Variants in NHERF2 observed in about 807,000 individuals in gnomAD.
NHERF2 encodes the protein Na(+)/H(+) exchange regulatory cofactor NHE-RF2.
chr16:2,033,176 G>C, the NHERF2 span: 5 of 1,432,174 alleles, frequency 3.5e-6, no homozygotes, highest in East Asian at 2.6e-5. Flanking sequence ...TCGCAGGGGA[G>C]CGGGCTCAGT....
chr16:2,037,457 G>C, the NHERF2 span: 152 of 1,260,358 alleles, frequency 1.2e-4, no homozygotes, highest in Admixed American at 2.9e-3. Context: ...ACACTGGGGG[G>C]GGGTGTGCCT....
chr16:2,034,346 C>T, the NHERF2 span, among the ~76,000 whole-genome samples: 1 of 143,382 alleles, frequency 7.0e-6, no homozygotes, highest in African/African-American at 2.6e-5. Context: ...CCGTGCTCCA[C>T]CTCCCCTCCC....
At chr16:2,028,331 C>G in the NHERF2 span, among the ~76,000 whole-genome samples, 1 of 152,210 alleles carries the variant, frequency 6.6e-6, no homozygotes, top group Non-Finnish European at 1.5e-5. Flanking sequence ...GGGGATCAGG[C>G]CAGGGGCCTG....
the NHERF2 span, chr16:2,037,640 G>A: frequency 6.2e-7 from 1 of 1,602,722 alleles, no homozygotes. Flanking sequence ...ACGTGGGGTT[G>A]CTAGAGGCCT....
the NHERF2 span, chr16:2,036,597 A>T: frequency 2.9e-5 from 44 of 1,515,262 alleles, no homozygotes; most frequent in Admixed American, 1.2e-4. Flanking sequence ...GACGCTGGGA[A>T]CCTGAGCTGG....
the NHERF2 span, among the ~76,000 whole-genome samples, chr16:2,027,435 C>G: frequency 6.6e-6 from 1 of 152,218 alleles, no homozygotes; most frequent in East Asian, 1.9e-4. Flanking sequence ...GCCCGCACTG[C>G]GGCTCCTGGC....
At chr16:2,031,605 T>C in the NHERF2 span, among the ~76,000 whole-genome samples, 1 of 152,048 alleles carries the variant, frequency 6.6e-6, no homozygotes, top group African/African-American at 2.4e-5. Flanking sequence ...GGTGTATTTT[T>C]AGAGGAACAA....
At chr16:2,032,323 G>A in the NHERF2 span, among the ~76,000 whole-genome samples, 1 of 152,316 alleles carries the variant, frequency 6.6e-6, no homozygotes, top group Non-Finnish European at 1.5e-5. The surrounding 1 kb of genome is among the most constrained non-coding windows in gnomAD (Gnocchi z 4.0). Flanking sequence ...CCTGGCTCAG[G>A]ACCTGAGGTT....
At chr16:2,036,409 G>C in the NHERF2 span, 3 of 1,609,602 alleles carry the variant, frequency 1.9e-6, no homozygotes, top group Admixed American at 1.7e-5. Flanking sequence ...AACCTGCATA[G>C]TGACAAGTCC....
chr16:2,038,223 G>GAGAC, the NHERF2 span: 2 of 201,458 alleles, frequency 9.9e-6, no homozygotes, highest in African/African-American at 2.3e-5. Context: ...GACAGAGACA[G>GAGAC]AGAGAGAGAG....
At chr16:2,036,390 T>C in the NHERF2 span, 17 of 1,610,478 alleles carry the variant, frequency 1.1e-5, no homozygotes, top group Non-Finnish European at 1.4e-5. Context: ...ACCTCAGGGC[T>C]ATGGGTTCAA....
the NHERF2 span, among the ~76,000 whole-genome samples, chr16:2,037,196 C>G: frequency 1.3e-5 from 2 of 152,182 alleles, no homozygotes; most frequent in Non-Finnish European, 2.9e-5. Context: ...CCCCTGGGGT[C>G]GGGGCCACTG....
chr16:2,038,014 G>T, the NHERF2 span: 1 of 1,612,024 alleles, frequency 6.2e-7, no homozygotes, highest in Non-Finnish European at 8.5e-7. Flanking sequence ...GGGACCCTGG[G>T]ACCCCTCCCG....
the NHERF2 span, chr16:2,033,191 ACCCTGCTCC>A: frequency 6.9e-7 from 1 of 1,456,064 alleles, no homozygotes; most frequent in South Asian, 1.4e-5. Flanking sequence ...CTCAGTCATC[ACCCTGCTCC>A]CCAGAGTGAC....
the NHERF2 span, chr16:2,033,564 T>G: frequency 1.1e-6 from 1 of 945,282 alleles, no homozygotes; most frequent in Non-Finnish European, 1.5e-6. Flanking sequence ...GGCCTTTCTC[T>G]GCCAGGGCTG....
the NHERF2 span, chr16:2,032,916 A>G: frequency 1.9e-6 from 2 of 1,056,424 alleles, no homozygotes; most frequent in Non-Finnish European, 2.3e-6. The surrounding 1 kb of genome is among the most constrained non-coding windows in gnomAD (Gnocchi z 4.0). Context: ...GGCTAAGAGC[A>G]GGTGTGAGGG....
At chr16:2,036,788 C>T in the NHERF2 span, 39 of 1,613,320 alleles carry the variant, frequency 2.4e-5, no homozygotes, top group Admixed American at 3.2e-4. Context: ...CATCAAGGCA[C>T]GGGAGGACGA....
At chr16:2,027,301 C>CGAGGGGGCTCCCGCGGG in the NHERF2 span, 2 of 808,096 alleles carry the variant, frequency 2.5e-6, no homozygotes, top group African/African-American at 3.6e-5. Context: ...CACGGGGGCC[C>CGAGGGGGCTCCCGCGGG]GAGGGGGCTC....
At chr16:2,029,502 C>T in the NHERF2 span, 5 of 1,364,046 alleles carry the variant, frequency 3.7e-6, no homozygotes, top group South Asian at 5.1e-5. Context: ...CACGCCTGGG[C>T]CAGCCCAGAG....
Sources: gnomAD v4.1 joint callset for allele counts (sites outside exome capture counted in the v4.1 genomes callset) on GRCh38, gnomAD v4.1.1 for gene constraint, Gnocchi (gnomAD v3.1) non-coding constraint, MANE v1.5 for transcripts, NCBI Gene and HGNC (gene_info 2026-07-23, HGNC 2026-07-21) for gene names.